The following FBXO25 variants were observed in gnomAD, a reference collection of about 807,000 sequenced individuals.
FBXO25 encodes the protein F-box only protein 25.
Under a neutral mutation model 51.9 loss-of-function variants are expected in FBXO25, and 45 were observed. That is an observed-to-expected ratio of 0.87 (90% CI 0.68 to 1.11). The LOEUF is 1.11. Among genes scored for constraint, FBXO25 ranks in the 50% most tolerant of loss-of-function variants. The probability of loss-of-function intolerance (pLI) is 0.00; values close to 1 mark genes in which losing one functional copy is unlikely to be tolerated. For synonymous variants in FBXO25, 199 were observed against 151.0 expected (o/e 1.32, Z -2.33); for missense variants, 507 against 428.5 (o/e 1.18, Z -1.62).
chr8:414,885 T>A (rs1388694032), intron 2 of FBXO25, among the ~76,000 whole-genome samples: 2 of 152,214 alleles, frequency 1.3e-5, no homozygotes, highest in Non-Finnish European at 2.9e-5. Flanking sequence ...TGCTTCCTAC[T>A]CTGCCATTTC....
chr8:431,525 A>T, intron 3 of FBXO25, 81 bp downstream of exon 3: 1 of 706,234 alleles, frequency 1.4e-6, no homozygotes, highest in Non-Finnish European at 2.3e-6. Context: ...TATCTTATGA[A>T]ATAAAAGGTG....
At chr8:407,470 G>T in intron 1 of FBXO25, 1 of 980,496 alleles carries the variant, frequency 1.0e-6, no homozygotes, top group South Asian at 4.7e-5. Context: ...AGCTGCGGGC[G>T]AGTCGGGTGG....
intron 1 of FBXO25, among the ~76,000 whole-genome samples, chr8:411,408 G>T (rs1796476538): frequency 6.6e-6 from 1 of 151,970 alleles, no homozygotes; most frequent in Non-Finnish European, 1.5e-5. Flanking sequence ...TCCCTTAAAT[G>T]GTGATGTTTC....
chr8:412,423 T>TCAA (rs1796533999), intron 1 of FBXO25, among the ~76,000 whole-genome samples: 2 of 152,218 alleles, frequency 1.3e-5, no homozygotes, highest in Admixed American at 1.3e-4. Flanking sequence ...CTTTTAAAGG[T>TCAA]CAACATTCAG....
intron 5 of FBXO25, among the ~76,000 whole-genome samples, chr8:437,882 T>A (rs1158579619): frequency 2.0e-5 from 3 of 152,208 alleles, no homozygotes; most frequent in Non-Finnish European, 4.4e-5. Context: ...CTAAATAATT[T>A]GATTTTCCAT....
intron 5 of FBXO25, among the ~76,000 whole-genome samples, chr8:438,813 C>G (rs1438015282): frequency 1.3e-5 from 2 of 152,228 alleles, no homozygotes; most frequent in Admixed American, 1.3e-4. Context: ...AATACCAACT[C>G]AAGCCTACCT....
chr8:442,557 C>A (rs1798491460), intron 5 of FBXO25, among the ~76,000 whole-genome samples: 1 of 150,876 alleles, frequency 6.6e-6, no homozygotes, highest in Non-Finnish European at 1.5e-5. Flanking sequence ...GCAACTTCCG[C>A]CCCCCGGGTT....
rs113611303 is a variant in FBXO25, at chr8:458,787, A to G, written c.843+236A>G. ...AAAAATAACCCAAAACTGAACAGCA[A>G]AGCAAGAACTGAGTTCTTTTCTCTC... On this transcript the variant is annotated intron_variant, in intron 8 of 9. Coordinates refer to ENST00000350302, the MANE Select transcript of FBXO25 (RefSeq NM_183420.2). 4.0e-3 allele frequency among the ~76,000 whole-genome samples: 605 copies of G among 152,364 alleles called. 3 individuals are homozygous for G. Among genetic ancestry groups the G allele is most frequent in the African/African-American group, 0.014 (582 of 41,590 alleles).
intron 2 of FBXO25, among the ~76,000 whole-genome samples, chr8:418,536 C>G (rs1796952614): frequency 6.6e-6 from 1 of 151,900 alleles, no homozygotes; most frequent in African/African-American, 2.4e-5. Context: ...AACAGGGTTT[C>G]ACCATATTGA....
intron 2 of FBXO25, among the ~76,000 whole-genome samples, chr8:423,933 C>T (rs1377823465): frequency 6.6e-6 from 1 of 152,160 alleles, no homozygotes; most frequent in Non-Finnish European, 1.5e-5. Context: ...ATTCTGTTTT[C>T]TCCTCAGCCT....
In FBXO25 at chr8:470,935, TA is replaced by T. The variant is rs1800464865; in HGVS notation, c.*2135del. The T allele has an allele frequency of 6.6e-6, 1 of 152,234 alleles. No homozygotes were observed. 9.4% of individuals were successfully genotyped at this position (152,234 alleles called of 1,614,324 possible). ...GTCTTTTTTCATGTTAGTTTCTTCT[TA>T]AAAGGAAACTATCCTTTTGAAGTTG... is the stretch of plus-strand genomic sequence containing the variant. On this transcript the variant is annotated 3_prime_UTR_variant, in exon 10 of 10. Transcript: ENST00000350302.
chr8:421,142 A>G (rs1335573217), intron 2 of FBXO25, among the ~76,000 whole-genome samples: 1 of 152,246 alleles, frequency 6.6e-6, no homozygotes, highest in African/African-American at 2.4e-5. Flanking sequence ...CAGCAGCATT[A>G]GATTCTCATA....
intron 2 of FBXO25, among the ~76,000 whole-genome samples, chr8:421,275 C>T (rs531816628): frequency 6.6e-6 from 1 of 152,222 alleles, no homozygotes; most frequent in East Asian, 1.9e-4. Context: ...ACCATCCCCC[C>T]TCCTCGCCCC....
At chr8:412,940 G>A (rs949272411) in intron 1 of FBXO25, 133 bp from the exon 2 acceptor site, 14 of 865,702 alleles carry the variant, frequency 1.6e-5, no homozygotes, top group Admixed American at 6.9e-5. Context: ...CACCAATGTC[G>A]AGCCAACGTT....
intron 2 of FBXO25, among the ~76,000 whole-genome samples, chr8:420,771 G>A (rs1360876354): frequency 6.6e-6 from 1 of 152,224 alleles, no homozygotes; most frequent in Non-Finnish European, 1.5e-5. Context: ...GTTGCCAGGG[G>A]TTAAGAGTTG....
At position 469,158 on chromosome 8, in the gene FBXO25, A is replaced by C. The variant is rs1800386403; in HGVS notation, c.*354A>C. ...GCCAATAATATGCTTCTTAATTATCAAATTATAGTTTCCCAATTGGGAAAC... is the reference window on the plus strand; with the variant it reads ...GCCAATAATATGCTTCTTAATTATCCAATTATAGTTTCCCAATTGGGAAAC... On this transcript the variant is annotated 3_prime_UTR_variant, in exon 10 of 10. Transcript: ENST00000350302. 1.0e-5 allele frequency: 2 copies of C among 192,612 alleles called. No individual in the cohort carries two copies. The highest frequency in any genetic ancestry group is 4.7e-5 in the African/African-American group (2 of 43,000). The allele number at this position is 192,612 out of a possible 1,614,324, so 11.9% of individuals were successfully genotyped here.
chr8:456,726 G>A (rs7001169), intron 7 of FBXO25, among the ~76,000 whole-genome samples: 8,848 of 152,282 alleles, frequency 0.058, 275 homozygotes, highest in Middle Eastern at 0.082. Context: ...GTGTCTGGCA[G>A]ATGCATAGGA....
At chr8:448,900 T>C (rs927200602) in intron 5 of FBXO25, among the ~76,000 whole-genome samples, 5 of 152,298 alleles carry the variant, frequency 3.3e-5, no homozygotes, top group African/African-American at 1.2e-4. Context: ...TTACATAGAG[T>C]TAAAATTCCA....
intron 2 of FBXO25, among the ~76,000 whole-genome samples, chr8:426,989 T>A (rs1321591918): frequency 2.3e-3 from 337 of 148,236 alleles, no homozygotes; most frequent in Non-Finnish European, 2.9e-3. Flanking sequence ...CTTCTGAATT[T>A]TCTTTTTATA....
Sources: gnomAD v4.1 joint callset for allele counts (sites outside exome capture counted in the v4.1 genomes callset) on GRCh38, gnomAD v4.1.1 for gene constraint, MANE v1.5 for transcripts, NCBI Gene and HGNC (gene_info 2026-07-23, HGNC 2026-07-21) for gene names.